The following COL22A1 variants were observed in gnomAD, a reference collection of about 807,000 sequenced individuals.
The protein encoded by COL22A1 is collagen type XXII alpha 1 chain.
COL22A1 carries 221 observed loss-of-function variants against 248.9 expected under a neutral mutation model. The observed-to-expected ratio is 0.89, with a 90% CI of 0.80 to 0.99. The LOEUF is 0.99. Among genes scored for constraint, COL22A1 ranks in the 50% least tolerant of loss-of-function variants. The pLI is 0.00. For synonymous variants in COL22A1, 891 were observed against 793.4 expected (o/e 1.12, Z -2.07); for missense variants, 2,240 against 2,179.0 (o/e 1.03, Z -0.56).
intron 56 of COL22A1, among the ~76,000 whole-genome samples, chr8:138,610,568 C>G (rs1376709936): frequency 6.6e-6 from 1 of 152,258 alleles, no homozygotes; most frequent in African/African-American, 2.4e-5. Flanking sequence ...ACTTCAGCAG[C>G]TCATTTTTGG....
chr8:138,832,910 G>A, intron 5 of COL22A1, 129 bp downstream of exon 5: 1 of 620,284 alleles, frequency 1.6e-6, no homozygotes, highest in Non-Finnish European at 2.9e-6. Flanking sequence ...TCATCGCAGG[G>A]CAACCTTACA....
chr8:138,755,806 T>C lies in COL22A1; in HGVS notation c.1926A>G (p.Pro642=), dbSNP rs563154650. The change falls in exon 19 of 65, where the codon CCA becomes CCG. Residue 642 remains proline (P), a synonymous_variant. Coordinates refer to ENST00000303045, the MANE Select transcript of COL22A1 (RefSeq NM_152888.3). ...GEKGDVGPAG[P]PGVPGSVVQQ... ...TCACCACTGAGCCTGGTACACCAGG[T>C]GGCCCCGCAGGTCCCACGTCACCCT... 1 of 1,614,148 alleles carries C rather than the reference T, an allele frequency of 6.2e-7. No individual in the cohort carries two copies. The highest frequency in any genetic ancestry group is 1.7e-5 in the Admixed American group (1 of 60,022).
chr8:138,686,411 G>T (rs538165270), intron 37 of COL22A1, among the ~76,000 whole-genome samples: 12 of 152,192 alleles, frequency 7.9e-5, no homozygotes, highest in Non-Finnish European at 1.3e-4. Flanking sequence ...GGTGGAAGCT[G>T]CAATCACAGT....
chr8:138,854,805 GTGA>G (rs1368885367), intron 3 of COL22A1, among the ~76,000 whole-genome samples: 3 of 149,026 alleles, frequency 2.0e-5, no homozygotes, highest in Non-Finnish European at 3.0e-5. Flanking sequence ...GGTGGTGATG[GTGA>G]TGATGATGGT....
At chr8:138,868,015 A>G (rs979747368) in intron 3 of COL22A1, among the ~76,000 whole-genome samples, 61 of 152,240 alleles carry the variant, frequency 4.0e-4, no homozygotes, top group African/African-American at 4.6e-4. Flanking sequence ...TGCCCACCTT[A>G]GCCTCCCAAA....
chr8:138,778,204 T>C, intron 15 of COL22A1, 149 bp downstream of exon 15: 1 of 810,376 alleles, frequency 1.2e-6, no homozygotes, highest in Non-Finnish European at 2.1e-6. Context: ...TAATTTCTGG[T>C]CTAAGAAAGG....
Position 138,906,113 on chromosome 8 carries a change from G to A in COL22A1, c.-73+7506C>T, listed in dbSNP as rs141016250. ...TGGCCAGGGGTGGTGGCTCACGCCTGTAATCCCAGCACTTTGGGAGGCCGA... is the reference window on the plus strand; with the variant it reads ...TGGCCAGGGGTGGTGGCTCACGCCTATAATCCCAGCACTTTGGGAGGCCGA... On this transcript the variant is annotated intron_variant, in intron 1 of 64. Coordinates refer to ENST00000303045, the MANE Select transcript of COL22A1 (RefSeq NM_152888.3). Among the ~76,000 whole-genome samples the A allele has an allele frequency of 1.3e-3, 205 of 152,294 alleles. 1 individual carries two copies. The highest frequency in any genetic ancestry group is 4.8e-3 in the African/African-American group (198 of 41,562).
At chr8:138,865,950 T>C (rs549575170) in intron 3 of COL22A1, among the ~76,000 whole-genome samples, 20 of 152,108 alleles carry the variant, frequency 1.3e-4, no homozygotes, top group African/African-American at 4.3e-4. Flanking sequence ...TGTGTATGTT[T>C]GTATGCCTGT....
chr8:138,645,307 G>T (rs571714488), intron 47 of COL22A1, among the ~76,000 whole-genome samples: 70 of 152,252 alleles, frequency 4.6e-4, no homozygotes, highest in African/African-American at 1.7e-3. Context: ...GAATAATCAT[G>T]TAAGTCTCCC....
chr8:138,654,174 G>A (rs1823003438), intron 45 of COL22A1, among the ~76,000 whole-genome samples: 1 of 152,196 alleles, frequency 6.6e-6, no homozygotes, highest in Non-Finnish European at 1.5e-5. Context: ...TGAGGGGTCA[G>A]GGGTGGAGAT....
At chr8:138,703,211 A>G (rs1454526995) in intron 31 of COL22A1, 95 bp downstream of exon 31, 2 of 1,119,536 alleles carry the variant, frequency 1.8e-6, no homozygotes, top group Non-Finnish European at 2.7e-6. Flanking sequence ...AATAGGGGAG[A>G]TATTTAAAAC....
At chr8:138,656,996 G>A (rs1457869289) in intron 44 of COL22A1, among the ~76,000 whole-genome samples, 2 of 152,184 alleles carry the variant, frequency 1.3e-5, no homozygotes, top group East Asian at 1.9e-4. Context: ...CAGGTAACAC[G>A]AGTTTGTTCA....
intron 3 of COL22A1, among the ~76,000 whole-genome samples, chr8:138,848,437 C>T (rs1013495310): frequency 2.6e-5 from 4 of 152,184 alleles, no homozygotes; most frequent in Admixed American, 6.5e-5. Context: ...TGGAAAAACA[C>T]GTCCATTTTT....
intron 23 of COL22A1, among the ~76,000 whole-genome samples, chr8:138,736,066 A>G: frequency 6.6e-6 from 1 of 152,190 alleles, no homozygotes; most frequent in Non-Finnish European, 1.5e-5. Context: ...GAACAGGGAC[A>G]GCCACATCTG....
chr8:138,598,835 C>T lies in COL22A1; in HGVS notation c.4249G>A (p.Gly1417Arg). 6.2e-7 allele frequency: 1 copy of T among 1,614,138 alleles called. No individual in the cohort carries two copies. Among genetic ancestry groups the T allele is most frequent in the Non-Finnish European group, 8.5e-7 (1 of 1,180,014 alleles). The change falls in exon 61 of 65, where the codon GGA becomes AGA. Residue 1417 changes from glycine (G) to arginine (R), a missense_variant. Physicochemically the swap from Gly to Arg is moderately radical, Grantham distance 125 (BLOSUM62 -2). Coordinates refer to ENST00000303045, the MANE Select transcript of COL22A1 (RefSeq NM_152888.3). ...GTGTGGCCTTTGTGGCCTGGGATTC[C>T]AGGGTCCCCAGGCTGGCCTTTTCCA... Reference protein sequence around the residue: ...PGGKGQPGDPGIPGHKGHTGL... With the variant: ...PGGKGQPGDPRIPGHKGHTGL...
At chr8:138,749,876 G>A (rs936395301) in intron 22 of COL22A1, among the ~76,000 whole-genome samples, 1 of 152,134 alleles carries the variant, frequency 6.6e-6, no homozygotes, top group Admixed American at 6.5e-5. Flanking sequence ...ATGGGAAGTG[G>A]GGGCGAGTGA....
intron 3 of COL22A1, among the ~76,000 whole-genome samples, chr8:138,861,995 C>A (rs913569512): frequency 3.0e-5 from 4 of 134,052 alleles, no homozygotes; most frequent in Admixed American, 8.7e-5. Flanking sequence ...TCAAGACCAG[C>A]CTGGCCAACA....
intron 3 of COL22A1, among the ~76,000 whole-genome samples, chr8:138,846,687 C>T (rs993006230): frequency 6.6e-6 from 1 of 152,176 alleles, no homozygotes; most frequent in African/African-American, 2.4e-5. Context: ...CTCCTCTTAG[C>T]CTATAATTGG....
At chr8:138,678,369 G>A (rs1825723342) in intron 40 of COL22A1, among the ~76,000 whole-genome samples, 1 of 152,160 alleles carries the variant, frequency 6.6e-6, no homozygotes, top group Non-Finnish European at 1.5e-5. Context: ...ACTACCTGCT[G>A]TTTCTGGGTC....
Sources: allele counts gnomAD v4.1 joint callset (sites outside exome capture counted in the v4.1 genomes callset), GRCh38; gene constraint gnomAD v4.1.1; transcripts MANE v1.5; gene names NCBI Gene and HGNC (gene_info 2026-07-23, HGNC 2026-07-21).